The following KCNQ3 variants were observed in gnomAD, a reference collection of about 807,000 sequenced individuals.
The protein encoded by KCNQ3 is potassium voltage-gated channel subfamily Q member 3, also known as potassium voltage-gated channel subfamily KQT member 3.
KCNQ3 carries 30 observed loss-of-function variants against 92.5 expected under a neutral mutation model. The observed-to-expected ratio is 0.32, with a 90% CI of 0.24 to 0.44. The LOEUF (loss-of-function observed/expected upper bound fraction) is 0.44, where lower values mean the gene tolerates loss of function less well. Among genes scored for constraint, KCNQ3 ranks in the 20% least tolerant of loss-of-function variants. The pLI is 1.00. For synonymous variants in KCNQ3, 450 were observed against 468.8 expected (o/e 0.96, Z 0.52); for missense variants, 913 against 1,140.3 (o/e 0.80, Z 2.87).
intron 1 of KCNQ3, among the ~76,000 whole-genome samples, chr8:132,413,504 C>T (rs60675991): frequency 0.061 from 9,356 of 152,204 alleles, 308 homozygotes; most frequent in South Asian, 0.12. Flanking sequence ...GCACACACAC[C>T]ACTTTGAGTT....
intron 1 of KCNQ3, among the ~76,000 whole-genome samples, chr8:132,321,900 C>A (rs1419261545): frequency 6.6e-6 from 1 of 152,222 alleles, no homozygotes; most frequent in African/African-American, 2.4e-5. Context: ...TGGGCAGAGT[C>A]TCTTCCAGCA....
chr8:132,373,128 G>A (rs1195467103), intron 1 of KCNQ3, among the ~76,000 whole-genome samples: 1 of 151,942 alleles, frequency 6.6e-6, no homozygotes, highest in African/African-American at 2.4e-5. Flanking sequence ...TTTCACCAGG[G>A]GGCTCCTCTT....
In KCNQ3 at chr8:132,134,300, G is replaced by A. The variant is rs930452828; in HGVS notation, c.1789C>T (p.Gln597Ter). Reference sequence around the variant, plus strand: ...GTCCACTGGCCCCACCTGGGAGATTGCTGGGATGGGAAGGTGAATGCTGAC... The same window carrying A: ...GTCCACTGGCCCCACCTGGGAGATTACTGGGATGGGAAGGTGAATGCTGAC... ...KGSAFTFPSQ[Q>*]SPRNEPYVAR... is the part of the protein sequence containing the mutation. The change falls in exon 13 of 15, where the codon CAA becomes TAA. Residue 597 changes from glutamine (Q) to a stop codon, truncating the protein, a stop_gained. Coordinates refer to ENST00000388996, the MANE Select transcript of KCNQ3 (RefSeq NM_004519.4). LOFTEE classifies it high-confidence loss of function. 1 of 1,613,280 alleles carries A rather than the reference G, an allele frequency of 6.2e-7. No individual in the cohort carries two copies. Among genetic ancestry groups the A allele is most frequent in the African/African-American group, 1.3e-5 (1 of 74,904 alleles).
intron 1 of KCNQ3, among the ~76,000 whole-genome samples, chr8:132,416,246 C>T (rs528356162): frequency 1.3e-5 from 2 of 152,120 alleles, no homozygotes; most frequent in Non-Finnish European, 2.9e-5. Flanking sequence ...CTCTAAACAC[C>T]ATCTCTCAAA....
At chr8:132,384,378 T>G (rs1405392129) in intron 1 of KCNQ3, among the ~76,000 whole-genome samples, 3 of 152,182 alleles carry the variant, frequency 2.0e-5, no homozygotes, top group Non-Finnish European at 4.4e-5. Flanking sequence ...GTAAACATCT[T>G]GAAGTAATGT....
intron 1 of KCNQ3, among the ~76,000 whole-genome samples, chr8:132,236,995 C>T (rs148873436): frequency 6.7e-4 from 102 of 152,212 alleles, no homozygotes; most frequent in African/African-American, 2.2e-3. Flanking sequence ...TGAATGAACT[C>T]GGAAGAGGAT....
chr8:132,410,160 G>T (rs1277079405), intron 1 of KCNQ3, among the ~76,000 whole-genome samples: 1 of 152,164 alleles, frequency 6.6e-6, no homozygotes, highest in African/African-American at 2.4e-5. Context: ...ATAATTAAGT[G>T]ATGGGGTTGC....
At chr8:132,322,410 T>A (rs1477984375) in intron 1 of KCNQ3, among the ~76,000 whole-genome samples, 1 of 152,042 alleles carries the variant, frequency 6.6e-6, no homozygotes, top group Non-Finnish European at 1.5e-5. Flanking sequence ...GATGCAGAAT[T>A]TACTGGGGCA....
At chr8:132,265,305 T>TAATG (rs1815945375) in intron 1 of KCNQ3, among the ~76,000 whole-genome samples, 1 of 152,270 alleles carries the variant, frequency 6.6e-6, no homozygotes, top group Admixed American at 6.5e-5. Context: ...TATTTGCTTG[T>TAATG]AATGGCAAGG....
At chr8:132,279,877 T>C (rs574641865) in intron 1 of KCNQ3, among the ~76,000 whole-genome samples, 4 of 152,326 alleles carry the variant, frequency 2.6e-5, no homozygotes, top group Admixed American at 1.3e-4. Flanking sequence ...TGTGTATATA[T>C]ATATTTGAGA....
intron 4 of KCNQ3, among the ~76,000 whole-genome samples, chr8:132,179,718 C>G (rs1011455558): frequency 6.6e-6 from 1 of 152,092 alleles, no homozygotes; most frequent in South Asian, 2.1e-4. Flanking sequence ...CAAAAAATTC[C>G]CAACGTCACA....
At chr8:132,232,897 C>T (rs375876142) in intron 1 of KCNQ3, among the ~76,000 whole-genome samples, 157 of 152,210 alleles carry the variant, frequency 1.0e-3, no homozygotes, top group African/African-American at 3.6e-3. Context: ...TCTTCTTTCT[C>T]GTATACAGAT....
chr8:132,364,390 T>C (rs969068668), intron 1 of KCNQ3, among the ~76,000 whole-genome samples: 6 of 152,218 alleles, frequency 3.9e-5, no homozygotes, highest in South Asian at 2.1e-4. Context: ...TCCCACATTA[T>C]GTGGAATTGC....
At chr8:132,456,454 G>A (rs1040005208) in intron 1 of KCNQ3, among the ~76,000 whole-genome samples, 5 of 98,934 alleles carry the variant, frequency 5.1e-5, no homozygotes, top group Admixed American at 1.2e-4. Flanking sequence ...ACCAGGGCTC[G>A]GGGATTGAGG....
chr8:132,463,024 C>T (rs1822097450), intron 1 of KCNQ3, among the ~76,000 whole-genome samples: 2 of 152,106 alleles, frequency 1.3e-5, no homozygotes, highest in Admixed American at 6.5e-5. Flanking sequence ...CGGGAAGACA[C>T]AAAACATAAC....
At chr8:132,455,781 G>A (rs955240517) in intron 1 of KCNQ3, among the ~76,000 whole-genome samples, 22 of 152,150 alleles carry the variant, frequency 1.4e-4, no homozygotes, top group Middle Eastern at 3.4e-3. Context: ...TCGCTCTGTC[G>A]CCCAGGCTGG....
intron 14 of KCNQ3, among the ~76,000 whole-genome samples, 154 bp from the exon 15 acceptor site, chr8:132,130,150 T>G (rs1824834233): frequency 6.6e-6 from 1 of 150,490 alleles, no homozygotes; most frequent in South Asian, 2.1e-4. Flanking sequence ...TGGCGCGATC[T>G]GGGCTCATTG....
chr8:132,408,699 G>A (rs2130794338), intron 1 of KCNQ3, among the ~76,000 whole-genome samples: 1 of 152,318 alleles, frequency 6.6e-6, no homozygotes, highest in South Asian at 2.1e-4. Flanking sequence ...CAAATCTAGT[G>A]AGCCATAAAA....
intron 1 of KCNQ3, among the ~76,000 whole-genome samples, chr8:132,402,011 C>T (rs1820349788): frequency 1.3e-5 from 2 of 152,164 alleles, no homozygotes; most frequent in African/African-American, 4.8e-5. Flanking sequence ...GGGAAGGAGG[C>T]TGTGCCTGGG....
Sources: allele counts gnomAD v4.1 joint callset (sites outside exome capture counted in the v4.1 genomes callset), GRCh38; gene constraint gnomAD v4.1.1; transcripts MANE v1.5; gene names NCBI Gene and HGNC (gene_info 2026-07-23, HGNC 2026-07-21).